Variants in GPAT3 observed in about 807,000 individuals in gnomAD.
GPAT3 encodes the protein 1-AGP acyltransferase 9.
GPAT3 carries 53 observed loss-of-function variants against 58.8 expected under a neutral mutation model. The observed-to-expected ratio is 0.90, with a 90% CI of 0.72 to 1.13. GPAT3 has a LOEUF of 1.13. Ranked by LOEUF, GPAT3 falls within the 50% of genes most tolerant of loss-of-function variation. GPAT3 has a pLI of 0.00. For synonymous variants in GPAT3, 197 were observed against 187.4 expected (o/e 1.05, Z -0.42); for missense variants, 511 against 527.6 (o/e 0.97, Z 0.31).
chr4:83,599,801 A>G (rs1726987173), intron 11 of GPAT3, among the ~76,000 whole-genome samples: 1 of 152,124 alleles, frequency 6.6e-6, no homozygotes, highest in Admixed American at 6.6e-5. Context: ...ATAATGGGGG[A>G]TATGTTCCAA....
chr4:83,564,578 G>A (rs1037456135), intron 2 of GPAT3, among the ~76,000 whole-genome samples: 2 of 151,884 alleles, frequency 1.3e-5, no homozygotes, highest in East Asian at 1.9e-4. Flanking sequence ...GCATACCTGC[G>A]GTCCCGGCTA....
At chr4:83,560,372 T>C (rs1182424540) in intron 2 of GPAT3, among the ~76,000 whole-genome samples, 1 of 152,220 alleles carries the variant, frequency 6.6e-6, no homozygotes, top group East Asian at 1.9e-4. Context: ...TCTGGTGTGG[T>C]GCCCAGGCAG....
intron 4 of GPAT3, among the ~76,000 whole-genome samples, chr4:83,587,826 A>G (rs1726436541): frequency 6.6e-6 from 1 of 152,134 alleles, no homozygotes; most frequent in African/African-American, 2.4e-5. Context: ...ATATTAATTG[A>G]AAGAAGTTGT....
chr4:83,549,492 T>C (rs1236091996), intron 2 of GPAT3, among the ~76,000 whole-genome samples: 1 of 149,308 alleles, frequency 6.7e-6, no homozygotes, highest in East Asian at 1.9e-4. Context: ...TGAAATATTA[T>C]GTATTAGTAT....
At chr4:83,587,774 A>G (rs1726434199) in intron 4 of GPAT3, among the ~76,000 whole-genome samples, 1 of 152,170 alleles carries the variant, frequency 6.6e-6, no homozygotes, top group Non-Finnish European at 1.5e-5. Context: ...AATCCTGCTC[A>G]CTTCATCTTC....
chr4:83,604,647 T>TA, intron 11 of GPAT3, 21 bp from the exon 12 acceptor site: 1 of 1,587,920 alleles, frequency 6.3e-7, no homozygotes, highest in Non-Finnish European at 8.6e-7. Context: ...ATCTTTTATG[T>TA]ATTTGTCTTT....
intron 8 of GPAT3, among the ~76,000 whole-genome samples, chr4:83,597,195 T>G (rs1277812619): frequency 6.6e-6 from 1 of 152,216 alleles, no homozygotes; most frequent in Non-Finnish European, 1.5e-5. Flanking sequence ...TGTTGAGAAG[T>G]TGTTCCCATA....
At chr4:83,598,012 C>T (rs1245379551) in intron 9 of GPAT3, 39 bp from the exon 10 acceptor site, 2 of 1,609,540 alleles carry the variant, frequency 1.2e-6, no homozygotes, top group East Asian at 2.2e-5. Context: ...GAGAAACCAC[C>T]CTTATTTCAT....
intron 3 of GPAT3, among the ~76,000 whole-genome samples, chr4:83,586,286 T>G (rs1726372870): frequency 6.6e-6 from 1 of 152,200 alleles, no homozygotes; most frequent in Admixed American, 6.5e-5. Context: ...TAAATGAGCT[T>G]CACCCTGGAG....
At chr4:83,599,074 G>C (rs1475011718) in intron 11 of GPAT3, among the ~76,000 whole-genome samples, 2 of 151,846 alleles carry the variant, frequency 1.3e-5, no homozygotes, top group African/African-American at 4.8e-5. Flanking sequence ...ATGAGCTACT[G>C]TTCCTGGCCT....
At chr4:83,601,531 T>C (rs1037371434) in intron 11 of GPAT3, among the ~76,000 whole-genome samples, 1 of 152,192 alleles carries the variant, frequency 6.6e-6, no homozygotes, top group Non-Finnish European at 1.5e-5. Flanking sequence ...GGCAGGTAGA[T>C]CACCTGAGTT....
chr4:83,575,085 C>T (rs1183867923), intron 2 of GPAT3, among the ~76,000 whole-genome samples: 2 of 151,956 alleles, frequency 1.3e-5, no homozygotes, highest in Non-Finnish European at 2.9e-5. Flanking sequence ...ACCGTGTTAG[C>T]CAGGATGGTC....
At chr4:83,544,720 A>C in intron 2 of GPAT3, 118 bp downstream of exon 2, 1 of 980,790 alleles carries the variant, frequency 1.0e-6, no homozygotes, top group East Asian at 2.5e-5. Flanking sequence ...TGGATCTTTC[A>C]TAATTCTGTC....
chr4:83,565,159 G>A (rs1024194596), intron 2 of GPAT3, among the ~76,000 whole-genome samples: 4 of 151,834 alleles, frequency 2.6e-5, no homozygotes, highest in Non-Finnish European at 4.4e-5. Context: ...GGAGCACAGT[G>A]GCGCAATCTC....
chr4:83,587,190 G>C, intron 3 of GPAT3, 65 bp from the exon 4 acceptor site: 1 of 1,275,138 alleles, frequency 7.8e-7, no homozygotes, highest in South Asian at 1.3e-5. Flanking sequence ...TATTATTTAG[G>C]AACTTTTTGG....
rs1488375955 is a variant in GPAT3, at chr4:83,600,642, G to A, written c.1205+1919G>A. ...CTCAGCCTCCTGAGTAGCTGGGACT[G>A]CAGGCATGCACCACCATCCCCAGCT... On this transcript the variant is annotated intron_variant, in intron 11 of 11. Transcript: ENST00000264409. Among the ~76,000 whole-genome samples the A allele has an allele frequency of 2.0e-5, 3 of 151,996 alleles. No homozygotes were observed. The East Asian group carries it at 5.8e-4, about 30-fold the overall frequency.
chr4:83,593,166 CTTT>C (rs761351611), intron 6 of GPAT3, among the ~76,000 whole-genome samples: 1 of 112,350 alleles, frequency 8.9e-6, no homozygotes, highest in Non-Finnish European at 1.8e-5. Flanking sequence ...CGAGCCAGGA[CTTT>C]TTTTTTTTTT....
chr4:83,599,841 T>G (rs1055740872), intron 11 of GPAT3, among the ~76,000 whole-genome samples: 11 of 152,174 alleles, frequency 7.2e-5, no homozygotes, highest in African/African-American at 2.7e-4. Context: ...ATACCATGGA[T>G]AGTACAAATC....
intron 3 of GPAT3, among the ~76,000 whole-genome samples, chr4:83,583,293 C>CA (rs1004971683): frequency 0.013 from 1,807 of 138,016 alleles, 40 homozygotes; most frequent in African/African-American, 0.041. Context: ...ACTGCGTATC[C>CA]AAAAAAAAAA....
Sources: gnomAD v4.1 joint callset for allele counts (sites outside exome capture counted in the v4.1 genomes callset) on GRCh38, gnomAD v4.1.1 for gene constraint, MANE v1.5 for transcripts, NCBI Gene and HGNC (gene_info 2026-07-23, HGNC 2026-07-21) for gene names.